SGK3: variants seen among roughly 807,000 people sequenced by gnomAD.
The protein encoded by SGK3 is serine/threonine-protein kinase Sgk3.
A neutral mutation model predicts 68.5 loss-of-function variants in SGK3; 47 were observed. The observed-to-expected ratio is 0.69, with a 90% CI of 0.54 to 0.87. SGK3 has a LOEUF of 0.87. SGK3 is among the 40% of genes least tolerant of loss of function. The probability of loss-of-function intolerance (pLI) is 0.00; values close to 1 mark genes in which losing one functional copy is unlikely to be tolerated. For missense variants in SGK3, 479 were observed against 575.5 expected (o/e 0.83, Z 1.72); for synonymous variants, 181 against 189.1 (o/e 0.96, Z 0.35).
At chr8:66,819,663 T>G (rs1311388734) in intron 5 of SGK3, among the ~76,000 whole-genome samples, 1 of 152,210 alleles carries the variant, frequency 6.6e-6, no homozygotes, top group Non-Finnish European at 1.5e-5. Context: ...TGCCAAAATG[T>G]TAACAGTGGT....
Position 66,834,955 on chromosome 8 carries a change from A to AG in SGK3, c.526-808_526-807insG, listed in dbSNP as rs922606728. Among the ~76,000 whole-genome samples, 55 of 151,410 alleles carry AG rather than the reference A, an allele frequency of 3.6e-4. 2 individuals carry two copies. The South Asian group carries it at 0.011, about 30-fold the overall frequency. On this transcript the variant is annotated intron_variant, in intron 8 of 16. Coordinates refer to ENST00000521198, the MANE Select transcript of SGK3 (RefSeq NM_001033578.3). ...ACTCTGTCTCAAAAAAAAAAAAAAA[A>AG]AGAAACCAACAAAGTGCAGTAAAAC...
Position 66,748,857 on chromosome 8 carries a change from A to G in SGK3, c.-122+36024A>G, listed in dbSNP as rs372710473. ...TTAGGGACTTCTGATTTTGATATTAAATTATTTCCTGTAAAATTCTCACTA... is the reference window on the plus strand; with the variant it reads ...TTAGGGACTTCTGATTTTGATATTAGATTATTTCCTGTAAAATTCTCACTA... On this transcript the variant is annotated intron_variant, in intron 1 of 16. Transcript: ENST00000521198. Among the ~76,000 whole-genome samples, 18 of 152,156 alleles carry G rather than the reference A, an allele frequency of 1.2e-4. No individual in the cohort carries two copies. The South Asian group carries it at 2.1e-3, about 18-fold the overall frequency.
At chr8:66,840,336 C>T in intron 12 of SGK3, 89 bp downstream of exon 12, 2 of 1,231,120 alleles carry the variant, frequency 1.6e-6, no homozygotes, top group South Asian at 1.5e-5. Flanking sequence ...AGATTCTGTA[C>T]TGCGTTATTT....
At chr8:66,746,965 C>A (rs770197613) in intron 1 of SGK3, among the ~76,000 whole-genome samples, 1 of 151,812 alleles carries the variant, frequency 6.6e-6, no homozygotes, top group Non-Finnish European at 1.5e-5. Flanking sequence ...AAGATGAAAT[C>A]CTGATGGAAG....
intron 1 of SGK3, among the ~76,000 whole-genome samples, chr8:66,747,074 G>A (rs1211195783): frequency 6.6e-6 from 1 of 151,464 alleles, no homozygotes; most frequent in South Asian, 2.1e-4. Flanking sequence ...AAAAAAAAGG[G>A]TTTTTTTTCC....
chr8:66,754,692 T>G (rs1364121520), intron 1 of SGK3, among the ~76,000 whole-genome samples: 1 of 152,246 alleles, frequency 6.6e-6, no homozygotes, highest in South Asian at 2.1e-4. Flanking sequence ...TTTGTATGCA[T>G]TGAACTATCA....
In SGK3 at chr8:66,835,785, T is replaced by C; in HGVS notation, c.548T>C (p.Leu183Pro). The C allele has an allele frequency of 4.3e-6, 7 of 1,612,268 alleles. No homozygotes were observed. The highest frequency in any genetic ancestry group is 1.1e-5 in the South Asian group (1 of 90,348). Residue 183 changes from leucine (L) to proline (P), a missense_variant, in exon 9 of 17, where the codon CTG becomes CCG. This residue lies in a region of SGK3 where 298 missense variants were observed against 329.4 expected (regional missense o/e 0.90). Coordinates refer to ENST00000521198, the MANE Select transcript of SGK3 (RefSeq NM_001033578.3). ...CAGGTTCTTCTTGCAAAACGGAAAC[T>C]GGATGGAAAATTTTATGCTGTCAAA... ...FGKVLLAKRK[L>P]DGKFYAVKVL... is the part of the protein sequence containing the mutation.
chr8:66,806,205 C>T (rs904417226), intron 4 of SGK3, among the ~76,000 whole-genome samples: 1 of 151,502 alleles, frequency 6.6e-6, no homozygotes, highest in Non-Finnish European at 1.5e-5. Context: ...CTTTTTTTTC[C>T]CCCCTTGGGA....
chr8:66,804,590 A>C, intron 4 of SGK3, 143 bp downstream of exon 4: 1 of 827,574 alleles, frequency 1.2e-6, no homozygotes, highest in Non-Finnish European at 1.8e-6. Context: ...GAAGGTGCTT[A>C]CTGTCTACTA....
chr8:66,722,139 C>T (rs72652799), intron 1 of SGK3, among the ~76,000 whole-genome samples: 7,129 of 152,174 alleles, frequency 0.047, 246 homozygotes, highest in Non-Finnish European at 0.07. Context: ...AACTTCAGCT[C>T]GCCTGTAAAG....
At chr8:66,766,766 G>T (rs937596359) in intron 1 of SGK3, among the ~76,000 whole-genome samples, 2 of 151,958 alleles carry the variant, frequency 1.3e-5, no homozygotes, top group Non-Finnish European at 2.9e-5. Flanking sequence ...TGATAAATTG[G>T]CCCCTTTACC....
chr8:66,845,513 G>A (rs1030218300), intron 14 of SGK3, among the ~76,000 whole-genome samples: 3 of 152,064 alleles, frequency 2.0e-5, no homozygotes, highest in African/African-American at 7.2e-5. Flanking sequence ...TAAAAATTAT[G>A]TATACTTTAA....
Position 66,816,337 on chromosome 8 carries a change from C to CTTTTTTT in SGK3, c.329+2423_329+2429dup, listed in dbSNP as rs1177867449. Among the ~76,000 whole-genome samples, 914 of 114,100 alleles carry CTTTTTTT rather than the reference C, an allele frequency of 8.0e-3. 26 individuals carry two copies. Among genetic ancestry groups the CTTTTTTT allele is most frequent in the African/African-American group, 0.03 (858 of 28,348 alleles). 74.9% of individuals were successfully genotyped at this position (114,100 alleles called of 152,430 possible). ...TCTTTTTAGCAAAATGTGACATTTCCTTTTTTTTTTTTTTTTTTTTGTGTG... is the reference window on the plus strand; with the variant it reads ...TCTTTTTAGCAAAATGTGACATTTCCTTTTTTTTTTTTTTTTTTTTTTTTTTTGTGTG... On this transcript the variant is annotated intron_variant, in intron 5 of 16. Transcript: ENST00000521198.
chr8:66,776,450 A>G (rs539289098), intron 1 of SGK3, among the ~76,000 whole-genome samples: 42 of 152,344 alleles, frequency 2.8e-4, no homozygotes, highest in African/African-American at 9.1e-4. Context: ...AGTAAACCAG[A>G]GCACCCCCAA....
At chr8:66,843,583 A>G in intron 14 of SGK3, 36 bp downstream of exon 14, 5 of 1,581,704 alleles carry the variant, frequency 3.2e-6, no homozygotes, top group Non-Finnish European at 4.3e-6. Flanking sequence ...CCAATGTATT[A>G]TCATTGATTT....
intron 5 of SGK3, among the ~76,000 whole-genome samples, chr8:66,814,655 G>A (rs1194015380): frequency 6.6e-6 from 1 of 152,180 alleles, no homozygotes; most frequent in Admixed American, 6.5e-5. Flanking sequence ...ACCCACATGA[G>A]GCCTCCAGTC....
At chr8:66,770,232 G>A (rs1251421631) in intron 1 of SGK3, among the ~76,000 whole-genome samples, 1 of 152,216 alleles carries the variant, frequency 6.6e-6, no homozygotes, top group African/African-American at 2.4e-5. Context: ...GGGATTACAG[G>A]CGTGAGCCAC....
At chr8:66,723,216 C>T (rs1195489305) in intron 1 of SGK3, among the ~76,000 whole-genome samples, 6 of 131,130 alleles carry the variant, frequency 4.6e-5, no homozygotes, top group South Asian at 2.6e-4. Context: ...GAGGCTGAGG[C>T]GGGTGGATCA....
intron 1 of SGK3, among the ~76,000 whole-genome samples, chr8:66,742,025 C>G (rs529040424): frequency 1.3e-5 from 2 of 152,260 alleles, no homozygotes; most frequent in East Asian, 3.9e-4. Flanking sequence ...TGATGTCAGT[C>G]CTTGGGAAGT....
Sources: gnomAD v4.1 joint callset for allele counts (sites outside exome capture counted in the v4.1 genomes callset) on GRCh38, gnomAD v4.1.1 for gene constraint, gnomAD v4.1.1 regional missense constraint, MANE v1.5 for transcripts, NCBI Gene and HGNC (gene_info 2026-07-23, HGNC 2026-07-21) for gene names.